Variants in PRDM1 observed in about 807,000 individuals in gnomAD.
PRDM1 encodes the protein PR domain zinc finger protein 1.
Under a neutral mutation model 62.8 loss-of-function variants are expected in PRDM1, and 13 were observed. That is an observed-to-expected ratio of 0.21 (90% CI 0.13 to 0.33). The LOEUF (loss-of-function observed/expected upper bound fraction) is 0.33, where lower values mean the gene tolerates loss of function less well. PRDM1 is among the 10% of genes least tolerant of loss of function. The pLI, the probability that PRDM1 is intolerant of heterozygous loss-of-function variation, is 1.00. For synonymous variants in PRDM1, 396 were observed against 417.6 expected (o/e 0.95, Z 0.63); for missense variants, 895 against 1,058.8 (o/e 0.85, Z 2.15).
chr6:106,048,722 A>T (rs1773120158), intron 1 of PRDM1, among the ~76,000 whole-genome samples: 1 of 152,102 alleles, frequency 6.6e-6, no homozygotes, highest in Non-Finnish European at 1.5e-5. Flanking sequence ...AAGGTAGGGG[A>T]AGGCTTTTCT....
intron 1 of PRDM1, among the ~76,000 whole-genome samples, chr6:106,035,306 G>A (rs777465593): frequency 5.9e-5 from 9 of 152,026 alleles, no homozygotes; most frequent in South Asian, 2.1e-4. Context: ...ATCCTTCTTC[G>A]TCTCTTCTAA....
intron 1 of PRDM1, among the ~76,000 whole-genome samples, chr6:106,014,762 T>G (rs1365076410): frequency 2.0e-5 from 3 of 152,070 alleles, no homozygotes; most frequent in African/African-American, 7.2e-5. Context: ...ACATTTTTTT[T>G]TATAGAACCT....
At chr6:106,095,043 GAA>G (rs749151274) in intron 2 of PRDM1, among the ~76,000 whole-genome samples, 1 of 129,452 alleles carries the variant, frequency 7.7e-6, no homozygotes, top group Non-Finnish European at 1.7e-5. Flanking sequence ...TACAAGCTAT[GAA>G]AAAAAAAAAA....
upstream of PRDM1, among the ~76,000 whole-genome samples, chr6:106,084,419 G>A (rs1213267713): frequency 5.9e-5 from 9 of 152,106 alleles, no homozygotes; most frequent in Non-Finnish European, 7.4e-5. Context: ...TTGATTCACT[G>A]GCATCTTCCA....
intron 1 of PRDM1, among the ~76,000 whole-genome samples, chr6:105,999,007 G>A (rs1041538175): frequency 6.8e-5 from 10 of 147,584 alleles, no homozygotes; most frequent in African/African-American, 2.0e-4. Flanking sequence ...GCATAATCTC[G>A]GTTTATTGCA....
rs867908294 is a variant in PRDM1 at position 106,106,818 on chromosome 6, G to A, written c.1903-93G>A. On this transcript the variant is annotated intron_variant, in intron 6 of 6. Transcript: ENST00000369096. This position sits in a 1 kb window ranked among gnomAD's most constrained non-coding sequence, Gnocchi z 4.4. The stretch of plus-strand genomic sequence containing the variant: ...CTTCTCACCTCCTAGGTTGCTGGGC[G>A]TTGGCCGGTAAGCCTGCCCCTCCCG... The A allele has an allele frequency of 6.1e-5, 84 of 1,379,412 alleles. 1 individual carries two copies. The Middle Eastern group carries it at 1.6e-3, about 26-fold the overall frequency. 85.4% of individuals were successfully genotyped at this position (1,379,412 alleles called of 1,614,324 possible).
intron 1 of PRDM1, among the ~76,000 whole-genome samples, chr6:105,997,065 G>A (rs2114538386): frequency 6.6e-6 from 1 of 152,280 alleles, no homozygotes; most frequent in East Asian, 1.9e-4. Context: ...AAAAATTCTA[G>A]ATGGCCAATA....
intron 1 of PRDM1, among the ~76,000 whole-genome samples, chr6:106,005,446 T>C (rs953713632): frequency 2.0e-5 from 3 of 152,264 alleles, no homozygotes; most frequent in Non-Finnish European, 2.9e-5. Flanking sequence ...AGAGAACTTA[T>C]TTTGTTCAAA....
intron 1 of PRDM1, among the ~76,000 whole-genome samples, chr6:106,008,683 G>A (rs555171250): frequency 5.6e-4 from 85 of 152,278 alleles, no homozygotes; most frequent in Admixed American, 3.5e-3. Flanking sequence ...TGAGAGGGAG[G>A]GTGGGGCTCT....
rs1774355230 is a variant in PRDM1 at position 106,103,986 on chromosome 6, G to A, written c.665-839G>A. 2.0e-5 allele frequency among the ~76,000 whole-genome samples: 3 copies of A among 152,296 alleles called. No homozygotes were observed. The South Asian group carries it at 6.2e-4, about 32-fold the overall frequency. ...TGGTATTCACTTCGCTAAGCTCCTT[G>A]GCATAGGCAGTTTGAACAGGGCTTT... On this transcript the variant is annotated intron_variant, in intron 4 of 6. Transcript: ENST00000369096.
intron 1 of PRDM1, among the ~76,000 whole-genome samples, chr6:106,003,241 A>G (rs753794431): frequency 6.6e-6 from 1 of 152,200 alleles, no homozygotes; most frequent in Non-Finnish European, 1.5e-5. Context: ...ATTAGGGACA[A>G]TTATACCAGG....
intron 1 of PRDM1, among the ~76,000 whole-genome samples, chr6:106,078,937 TA>T (rs1374849334): frequency 3.3e-5 from 5 of 151,660 alleles, no homozygotes; most frequent in Non-Finnish European, 5.9e-5. Flanking sequence ...AGTTTTATTT[TA>T]AAAAAATTAT....
At chr6:105,999,407 T>C (rs1045740396) in intron 1 of PRDM1, among the ~76,000 whole-genome samples, 1 of 151,894 alleles carries the variant, frequency 6.6e-6, no homozygotes, top group African/African-American at 2.4e-5. Flanking sequence ...AAAAAAAAAT[T>C]AGAAAACACA....
chr6:106,085,921 C>T (rs1012362962), upstream of PRDM1, among the ~76,000 whole-genome samples: 4 of 152,056 alleles, frequency 2.6e-5, no homozygotes, highest in African/African-American at 7.2e-5. Flanking sequence ...CACTGTATTA[C>T]ACTAGCTGCA....
rs754724284 is a variant in PRDM1 at position 106,107,343 on chromosome 6, A to T, written c.2335A>T (p.Asn779Tyr). Residue 779 changes from asparagine (N) to tyrosine (Y), a missense_variant, in exon 7 of 7, where the codon AAC becomes TAC. By Grantham distance (143) the Asn-to-Tyr change is moderately radical (BLOSUM62 -2). Coordinates refer to ENST00000369096, the MANE Select transcript of PRDM1 (RefSeq NM_001198.4). The part of the protein sequence containing the change: ...ETGLKVSLQR[N>Y]MGNGLLSSGC... ...TGGCCTGAAAGTGTCTTTGCAAAGA[A>T]ACATGGGGAATGGACTCCTCTCCTC... The T allele has an allele frequency of 1.9e-6, 3 of 1,614,100 alleles. No individual in the cohort carries two copies. Among genetic ancestry groups the T allele is most frequent in the Non-Finnish European group, 2.5e-6 (3 of 1,180,024 alleles).
chr6:106,101,966 G>T (rs1378706952), intron 4 of PRDM1, among the ~76,000 whole-genome samples: 2 of 152,168 alleles, frequency 1.3e-5, no homozygotes, highest in Non-Finnish European at 2.9e-5. Flanking sequence ...AATTTGGCAG[G>T]GGGGGAGGTA....
chr6:106,068,470 A>G (rs1423074777), intron 1 of PRDM1, among the ~76,000 whole-genome samples: 1 of 152,122 alleles, frequency 6.6e-6, no homozygotes, highest in Non-Finnish European at 1.5e-5. Context: ...TGCAATATGT[A>G]TATTCTCCTT....
chr6:106,003,126 G>T (rs1025420896), intron 1 of PRDM1, among the ~76,000 whole-genome samples: 1 of 152,052 alleles, frequency 6.6e-6, no homozygotes, highest in African/African-American at 2.4e-5. Context: ...TAAGATAATT[G>T]CTCATTGATT....
rs886966925 is a variant in PRDM1, at chr6:106,009,741, G to A, written c.-67+16102G>A. Among the ~76,000 whole-genome samples the A allele has an allele frequency of 2.0e-5, 3 of 151,734 alleles. No individual in the cohort carries two copies. In the East Asian group the frequency reaches 5.8e-4, roughly 29 times the overall value. On this transcript the variant is annotated intron_variant, in intron 1 of 6. Coordinates refer to the PRDM1 transcript ENST00000652320. ...CCCTCCTGAATTTTTTTTTTGAGATGGAGTCTTGCTCCATTGCCCAGGCTG... is the reference window on the plus strand; with the variant it reads ...CCCTCCTGAATTTTTTTTTTGAGATAGAGTCTTGCTCCATTGCCCAGGCTG...
Sources: gnomAD v4.1 joint callset for allele counts (sites outside exome capture counted in the v4.1 genomes callset) on GRCh38, gnomAD v4.1.1 for gene constraint, Gnocchi (gnomAD v3.1) non-coding constraint, MANE v1.5 for transcripts, NCBI Gene and HGNC (gene_info 2026-07-23, HGNC 2026-07-21) for gene names.